The following NMNAT2 variants were observed in gnomAD, a reference collection of about 807,000 sequenced individuals.
NMNAT2 encodes the protein nicotinamide/nicotinic acid mononucleotide adenylyltransferase 2.
A neutral mutation model predicts 41.6 loss-of-function variants in NMNAT2; 11 were observed. That is an observed-to-expected ratio of 0.26 (90% confidence interval 0.17 to 0.44). The LOEUF (loss-of-function observed/expected upper bound fraction) is 0.44, where lower values mean the gene tolerates loss of function less well. NMNAT2 is among the 20% of genes least tolerant of loss of function. The pLI is 1.00. For synonymous variants in NMNAT2, 148 were observed against 151.2 expected, an observed-to-expected ratio of 0.98 and a Z score of 0.16; for missense variants, 288 against 407.7, an observed-to-expected ratio of 0.71 and a Z score of 2.53.
In NMNAT2 at chr1:183,303,301, C is replaced by T. The variant is rs117940031; in HGVS notation, c.86-9508G>A. Among the ~76,000 whole-genome samples the T allele has an allele frequency of 3.2e-3, 480 of 152,298 alleles. 19 individuals are homozygous for T. The East Asian group carries it at 0.078, about 25-fold the overall frequency. On this transcript the variant is annotated intron_variant, in intron 1 of 10. Transcript: ENST00000287713. ...AATTAGGAGGGTTTTGAGTGCCAAA[C>T]CAAGTAATTAACTTACTGACCATTT...
intron 1 of NMNAT2, among the ~76,000 whole-genome samples, chr1:183,377,469 A>C (rs775871969): frequency 6.6e-6 from 1 of 152,118 alleles, no homozygotes; most frequent in Non-Finnish European, 1.5e-5. Context: ...AGACATTGAC[A>C]AAAATTCTGT....
At chr1:183,318,110 G>A (rs1251144066) in intron 1 of NMNAT2, among the ~76,000 whole-genome samples, 2 of 152,178 alleles carry the variant, frequency 1.3e-5, no homozygotes, top group Non-Finnish European at 2.9e-5. Context: ...TGGAAGCTCT[G>A]AGTTCCACTG....
chr1:183,355,869 C>G (rs1414265413), intron 1 of NMNAT2, among the ~76,000 whole-genome samples: 1 of 152,186 alleles, frequency 6.6e-6, no homozygotes, highest in Non-Finnish European at 1.5e-5. Flanking sequence ...TTTTTGACAG[C>G]CAGTGTTGTA....
At chr1:183,378,262 T>C (rs1265349836) in intron 1 of NMNAT2, among the ~76,000 whole-genome samples, 1 of 151,886 alleles carries the variant, frequency 6.6e-6, no homozygotes, top group African/African-American at 2.4e-5. Flanking sequence ...GATGTGGTGG[T>C]GGGAGCCTGT....
intron 1 of NMNAT2, among the ~76,000 whole-genome samples, chr1:183,313,551 C>A (rs1022658041): frequency 1.3e-5 from 2 of 152,186 alleles, no homozygotes; most frequent in African/African-American, 2.4e-5. Flanking sequence ...GCAATCTTGG[C>A]TCACTGCAAC....
At chr1:183,316,779 G>A (rs1301634827) in intron 1 of NMNAT2, among the ~76,000 whole-genome samples, 2 of 152,202 alleles carry the variant, frequency 1.3e-5, no homozygotes, top group South Asian at 2.1e-4. Context: ...CGTAAGCAGA[G>A]CTTGCCATAG....
intron 1 of NMNAT2, among the ~76,000 whole-genome samples, chr1:183,389,836 GAAAGAAAGGAAA>G (rs1648411425): frequency 1.9e-5 from 1 of 53,664 alleles, no homozygotes; most frequent in African/African-American, 6.1e-5. Context: ...AAGAAAGAAA[GAAAGAAAGGAAA>G]AAAGAGAAAG....
At chr1:183,414,296 C>T (rs994485615) in intron 1 of NMNAT2, among the ~76,000 whole-genome samples, 2 of 152,274 alleles carry the variant, frequency 1.3e-5, no homozygotes, top group South Asian at 2.1e-4. Context: ...CAAAAAATAG[C>T]TAGAAATATT....
At chr1:183,262,776 T>G (rs75049003) in intron 8 of NMNAT2, among the ~76,000 whole-genome samples, 6,319 of 152,346 alleles carry the variant, frequency 0.041, 180 homozygotes, top group Middle Eastern at 0.082. Flanking sequence ...AGTTACGGCA[T>G]TTAATACTCC....
chr1:183,312,096 C>T (rs1662136249), intron 1 of NMNAT2, among the ~76,000 whole-genome samples: 1 of 152,110 alleles, frequency 6.6e-6, no homozygotes, highest in South Asian at 2.1e-4. Context: ...CTTTCTTTTG[C>T]AAATTGCCCA....
At chr1:183,407,431 G>A (rs1648988295) in intron 1 of NMNAT2, among the ~76,000 whole-genome samples, 2 of 151,804 alleles carry the variant, frequency 1.3e-5, no homozygotes, top group African/African-American at 4.8e-5. Context: ...GTATTTTCTG[G>A]TTCCTAAATG....
chr1:183,409,185 T>A (rs970798337), intron 1 of NMNAT2, among the ~76,000 whole-genome samples: 3 of 152,148 alleles, frequency 2.0e-5, no homozygotes, highest in Admixed American at 6.5e-5. Context: ...TGAGACCATG[T>A]CTCTAAAAAT....
intron 2 of NMNAT2, 118 bp downstream of exon 2, chr1:183,293,587 T>C: frequency 1.3e-6 from 1 of 771,724 alleles, no homozygotes. Flanking sequence ...CCTGGGCATT[T>C]TGTGTTTCCA....
intron 1 of NMNAT2, among the ~76,000 whole-genome samples, chr1:183,299,527 G>T (rs939004098): frequency 2.6e-5 from 4 of 151,978 alleles, no homozygotes; most frequent in African/African-American, 7.3e-5. Context: ...TCAAAAAGTT[G>T]TTTAAAAGCC....
intron 1 of NMNAT2, among the ~76,000 whole-genome samples, chr1:183,407,713 C>T (rs1203968982): frequency 6.6e-6 from 1 of 152,148 alleles, no homozygotes. Context: ...GTGCTATCAA[C>T]GTTCAGAGGG....
chr1:183,279,702 G>T (rs186426540), intron 7 of NMNAT2, among the ~76,000 whole-genome samples: 5 of 152,178 alleles, frequency 3.3e-5, no homozygotes, highest in East Asian at 1.9e-4. Flanking sequence ...CCTGAAGCAG[G>T]GGGGAGGCTA....
intron 1 of NMNAT2, among the ~76,000 whole-genome samples, chr1:183,366,434 G>T (rs1663414873): frequency 6.6e-6 from 1 of 152,196 alleles, no homozygotes; most frequent in African/African-American, 2.4e-5. Flanking sequence ...TCATTAATTA[G>T]TATTAGTATT....
intron 7 of NMNAT2, 100 bp downstream of exon 7, chr1:183,283,895 G>T: frequency 8.7e-7 from 1 of 1,144,526 alleles, no homozygotes; most frequent in Non-Finnish European, 1.3e-6. Context: ...CTGCAAAACA[G>T]TCCCTGGGTT....
rs1355216678 is a variant in NMNAT2, at chr1:183,250,434, G to A, written c.*2207C>T. The A allele has an allele frequency of 6.6e-6, 1 of 152,264 alleles. No homozygotes were observed. The highest frequency in any genetic ancestry group is 2.4e-5 in the African/African-American group (1 of 41,432). 9.4% of individuals were successfully genotyped at this position (152,264 alleles called of 1,614,324 possible). On this transcript the variant is annotated 3_prime_UTR_variant, in exon 11 of 11. Transcript: ENST00000287713. Reference sequence around the variant, plus strand: ...CATCCTATGTGTGGAGAGCACCTGGGACAGATATAATTTAAAAGAAAGATG... The same window carrying A: ...CATCCTATGTGTGGAGAGCACCTGGAACAGATATAATTTAAAAGAAAGATG...
Sources: allele counts gnomAD v4.1 joint callset (sites outside exome capture counted in the v4.1 genomes callset), GRCh38; gene constraint gnomAD v4.1.1; transcripts MANE v1.5; gene names NCBI Gene and HGNC (gene_info 2026-07-23, HGNC 2026-07-21).